The following TRAF3IP1 variants were observed in gnomAD, a reference collection of about 807,000 sequenced individuals.
The protein encoded by TRAF3IP1 is intraflagellar transport 54.
A neutral mutation model predicts 89.9 loss-of-function variants in TRAF3IP1; 53 were observed. That is an observed-to-expected ratio of 0.59 (90% confidence interval 0.47 to 0.74). TRAF3IP1 has a LOEUF of 0.74. Among genes scored for constraint, TRAF3IP1 ranks in the 30% least tolerant of loss-of-function variants. TRAF3IP1 has a pLI of 0.00. For synonymous variants in TRAF3IP1, 311 were observed against 322.1 expected, an observed-to-expected ratio of 0.97 and a Z score of 0.37; for missense variants, 806 against 866.1, an observed-to-expected ratio of 0.93 and a Z score of 0.87.
chr2:238,399,067 T>A lies in TRAF3IP1; in HGVS notation c.*148T>A. The A allele has an allele frequency of 1.4e-6, 1 of 696,526 alleles. No individual in the cohort carries two copies. Among genetic ancestry groups the A allele is most frequent in the Non-Finnish European group, 2.3e-6 (1 of 442,494 alleles). 43.1% of individuals were successfully genotyped at this position (696,526 alleles called of 1,614,324 possible). ...CAGCTAATTTTCAGAGCTTTAAAAC[T>A]GTAAGCATGTTAAGTGTATTAAAAA... On this transcript the variant is annotated 3_prime_UTR_variant, in exon 17 of 17. Coordinates refer to ENST00000373327, the MANE Select transcript of TRAF3IP1 (RefSeq NM_015650.4).
chr2:238,344,703 G>A, intron 9 of TRAF3IP1, 105 bp downstream of exon 9: 1 of 927,626 alleles, frequency 1.1e-6, no homozygotes, highest in Non-Finnish European at 1.8e-6. Context: ...TTCCTCTTGG[G>A]TCTGAACGTG....
chr2:238,349,560 C>T (rs1236108389), intron 12 of TRAF3IP1, 152 bp downstream of exon 12: 1 of 693,568 alleles, frequency 1.4e-6, no homozygotes, highest in Admixed American at 2.7e-5. Context: ...TCGCCTCACA[C>T]CATAGGCCAA....
chr2:238,352,049 G>A (rs542021853), intron 12 of TRAF3IP1, among the ~76,000 whole-genome samples: 4 of 152,128 alleles, frequency 2.6e-5, no homozygotes, highest in African/African-American at 9.6e-5. Context: ...CCTGTAGAGT[G>A]TTTGGGTCGG....
intron 15 of TRAF3IP1, among the ~76,000 whole-genome samples, chr2:238,385,650 G>A (rs1386128235): frequency 6.6e-6 from 1 of 152,190 alleles, no homozygotes; most frequent in East Asian, 1.9e-4. Flanking sequence ...ACCAGGGACT[G>A]GTTTCGTGAA....
At chr2:238,384,068 C>A in intron 15 of TRAF3IP1, among the ~76,000 whole-genome samples, 1 of 151,400 alleles carries the variant, frequency 6.6e-6, no homozygotes, top group South Asian at 2.1e-4. Flanking sequence ...TCTTGCAGGG[C>A]CCCCCCCATC....
At position 238,357,634 on chromosome 2, in the gene TRAF3IP1, A is replaced by T. The variant is rs570962807; in HGVS notation, c.1689+1554A>T. On this transcript the variant is annotated intron_variant, in intron 15 of 16. Coordinates refer to ENST00000373327, the MANE Select transcript of TRAF3IP1 (RefSeq NM_015650.4). Reference sequence around the variant, plus strand: ...CCACTGTTTGCCTTGCTGAAAGGAGAAATGCCTTCTGCAGTTTGTTTTTTC... The same window carrying T: ...CCACTGTTTGCCTTGCTGAAAGGAGTAATGCCTTCTGCAGTTTGTTTTTTC... Among the ~76,000 whole-genome samples the T allele has an allele frequency of 1.8e-4, 27 of 152,320 alleles. No individual in the cohort carries two copies. In the South Asian group the frequency reaches 5.6e-3, roughly 32 times the overall value.
At chr2:238,353,732 G>A (rs545190500) in intron 14 of TRAF3IP1, among the ~76,000 whole-genome samples, 4 of 152,232 alleles carry the variant, frequency 2.6e-5, no homozygotes, top group Admixed American at 2.0e-4. Context: ...ACGAGGGCTT[G>A]TTGGTTTTGG....
intron 15 of TRAF3IP1, among the ~76,000 whole-genome samples, chr2:238,390,223 A>C (rs1233448275): frequency 6.6e-6 from 1 of 152,184 alleles, no homozygotes; most frequent in Non-Finnish European, 1.5e-5. Flanking sequence ...GCCTTTAGAC[A>C]CTGGATCCAT....
rs71402784 is a variant in TRAF3IP1 at position 238,377,230 on chromosome 2, C to CTTTTTTTT, written c.1690-20213_1690-20206dup. On this transcript the variant is annotated intron_variant, in intron 15 of 16. Transcript: ENST00000373327. The stretch of plus-strand genomic sequence containing the variant: ...CCTCGTTTCCTTCCTTCCTGATTTT[C>CTTTTTTTT]TTTTTTTTTTTTTTTTTTTTTTTGA... 8.7e-4 allele frequency among the ~76,000 whole-genome samples: 75 copies of CTTTTTTTT among 86,694 alleles called. 2 individuals are homozygous for CTTTTTTTT. The highest frequency in any genetic ancestry group is 1.3e-3 in the South Asian group (3 of 2,246). The allele number at this position is 86,694 out of a possible 152,430, so 56.9% of individuals were successfully genotyped here.
At chr2:238,390,121 TAGG>T (rs1559396283) in intron 15 of TRAF3IP1, among the ~76,000 whole-genome samples, 1 of 152,062 alleles carries the variant, frequency 6.6e-6, no homozygotes, top group Non-Finnish European at 1.5e-5. Flanking sequence ...GCCAGCCAGG[TAGG>T]AGGCAGGAGG....
rs1486254432 is a variant in TRAF3IP1 at position 238,326,282 on chromosome 2, C to T, written c.354+312C>T. ...AGGCTGCAGGCCCAGGCTTCCATGC[C>T]CTCTGGCTTTCTCCTTTCTGAGGCT... is the stretch of plus-strand genomic sequence containing the variant. On this transcript the variant is annotated intron_variant, in intron 3 of 16. Coordinates refer to ENST00000373327, the MANE Select transcript of TRAF3IP1 (RefSeq NM_015650.4). 5.3e-5 allele frequency among the ~76,000 whole-genome samples: 8 copies of T among 152,188 alleles called. No individual in the cohort carries two copies. In the East Asian group the frequency reaches 1.5e-3, roughly 29 times the overall value.
At chr2:238,398,706 C>A in intron 16 of TRAF3IP1, 48 bp from the exon 17 acceptor site, 1 of 1,503,236 alleles carries the variant, frequency 6.7e-7, no homozygotes, top group Non-Finnish European at 8.9e-7. Flanking sequence ...GAAGCCAACA[C>A]ACAATGAGAT....
At position 238,329,040 on chromosome 2, in the gene TRAF3IP1, A is replaced by G. The variant is rs1242767057; in HGVS notation, c.613A>G (p.Lys205Glu). 1.3e-5 allele frequency: 20 copies of G among 1,551,750 alleles called. No individual in the cohort carries two copies. Among genetic ancestry groups the G allele is most frequent in the Non-Finnish European group, 1.7e-5 (19 of 1,147,088 alleles). ...AAAGGACAAGGACAAGGAGAAGGCCAAGGAGAATGGCGGAAACAGACACAG... is the reference window on the plus strand; with the variant it reads ...AAAGGACAAGGACAAGGAGAAGGCCGAGGAGAATGGCGGAAACAGACACAG... ...REKDKDKEKA[K>E]ENGGNRHREG... The change falls in exon 5 of 17, where the codon AAG (lysine) becomes GAG (glutamate). Residue 205 changes from lysine (K) to glutamate (E), a missense_variant. By Grantham distance (56) the Lys-to-Glu change is moderately conservative. Coordinates refer to ENST00000373327, the MANE Select transcript of TRAF3IP1 (RefSeq NM_015650.4).
chr2:238,395,704 A>C (rs944758643), intron 15 of TRAF3IP1, among the ~76,000 whole-genome samples: 5 of 152,190 alleles, frequency 3.3e-5, no homozygotes, highest in African/African-American at 1.2e-4. Flanking sequence ...CAACCCCATC[A>C]AAAAGTGGGC....
chr2:238,372,673 T>C (rs1700159196), intron 15 of TRAF3IP1, among the ~76,000 whole-genome samples: 1 of 152,238 alleles, frequency 6.6e-6, no homozygotes, highest in Non-Finnish European at 1.5e-5. Context: ...GGTCAAATGG[T>C]AATTCTAGTT....
intron 12 of TRAF3IP1, among the ~76,000 whole-genome samples, chr2:238,349,971 T>C (rs1173921537): frequency 1.3e-5 from 2 of 151,914 alleles, no homozygotes; most frequent in African/African-American, 4.8e-5. Context: ...CTCAGGAGGC[T>C]GAGGCAGAAG....
intron 1 of TRAF3IP1, among the ~76,000 whole-genome samples, chr2:238,321,526 T>C (rs1011815280): frequency 2.0e-5 from 3 of 152,172 alleles, no homozygotes; most frequent in African/African-American, 4.8e-5. Flanking sequence ...ATTGGTGGTC[T>C]CTGTAGCTTT....
chr2:238,381,409 G>A (rs371491248), intron 15 of TRAF3IP1, among the ~76,000 whole-genome samples: 7 of 152,308 alleles, frequency 4.6e-5, no homozygotes, highest in African/African-American at 9.6e-5. Context: ...CATGGGTGGC[G>A]GGTGGGGTGC....
At chr2:238,376,781 C>T (rs915221780) in intron 15 of TRAF3IP1, among the ~76,000 whole-genome samples, 3 of 152,190 alleles carry the variant, frequency 2.0e-5, no homozygotes, top group Admixed American at 2.0e-4. Flanking sequence ...TTATAACCAG[C>T]TTCATTTAAA....
Sources: allele counts gnomAD v4.1 joint callset (sites outside exome capture counted in the v4.1 genomes callset), GRCh38; gene constraint gnomAD v4.1.1; transcripts MANE v1.5; gene names NCBI Gene and HGNC (gene_info 2026-07-23, HGNC 2026-07-21).